Variants in EPB41L5 observed in about 807,000 individuals in gnomAD.
EPB41L5 encodes erythrocyte membrane protein band 4.1 like 5, also known as band 4.1-like protein 5.
Under a neutral mutation model 106.6 loss-of-function variants are expected in EPB41L5, and 55 were observed. The observed-to-expected ratio is 0.52, with a 90% CI of 0.42 to 0.65. The LOEUF (loss-of-function observed/expected upper bound fraction) is 0.65. EPB41L5 is among the 30% of genes least tolerant of loss of function. The pLI, the probability that EPB41L5 is intolerant of heterozygous loss-of-function variation, is 0.00. For synonymous variants in EPB41L5, 297 were observed against 306.7 expected, an observed-to-expected ratio of 0.97 and a Z score of 0.33; for missense variants, 871 against 882.1, an observed-to-expected ratio of 0.99 and a Z score of 0.16.
chr2:120,111,185 C>G (rs748709218), intron 16 of EPB41L5, among the ~76,000 whole-genome samples: 86 of 152,068 alleles, frequency 5.7e-4, no homozygotes, highest in Non-Finnish European at 1.0e-3. Context: ...GGCCAGATGC[C>G]TTGTGGAATA....
intron 10 of EPB41L5, among the ~76,000 whole-genome samples, chr2:120,086,179 T>C (rs532931400): frequency 5.3e-5 from 8 of 152,338 alleles, no homozygotes; most frequent in African/African-American, 1.7e-4. Context: ...CCAGCCTTTG[T>C]GACAGAGTGA....
At chr2:120,016,045 G>A (rs899075768) in intron 1 of EPB41L5, among the ~76,000 whole-genome samples, 1 of 151,998 alleles carries the variant, frequency 6.6e-6, no homozygotes, top group African/African-American at 2.4e-5. Flanking sequence ...GAAAAATCCT[G>A]TTCCTACAAC....
chr2:120,104,806 A>C (rs1684354013), intron 16 of EPB41L5: 1 of 931,404 alleles, frequency 1.1e-6, no homozygotes, highest in Admixed American at 6.2e-5. Flanking sequence ...AATAAACACG[A>C]ATATTTTAAC....
chr2:120,082,475 A>G (rs2105342837), intron 10 of EPB41L5, among the ~76,000 whole-genome samples: 1 of 152,292 alleles, frequency 6.6e-6, no homozygotes, highest in Middle Eastern at 3.4e-3. Context: ...TCTTGGGGGT[A>G]AGCTTTTTGA....
intron 24 of EPB41L5, 63 bp downstream of exon 24, chr2:120,168,070 ACTTATTATCT>A (rs1687496644): frequency 6.5e-7 from 1 of 1,544,756 alleles, no homozygotes; most frequent in African/African-American, 1.4e-5. Context: ...AAATAATAAA[ACTTATTATCT>A]CTAAAGCAGC....
At chr2:120,104,091 GGTGGAAACCA>G in intron 16 of EPB41L5, 1 of 1,535,286 alleles carries the variant, frequency 6.5e-7, no homozygotes, top group Non-Finnish European at 8.7e-7. Context: ...CTGTCAACGT[GGTGGAAACCA>G]GTGGAACACA....
intron 16 of EPB41L5, among the ~76,000 whole-genome samples, chr2:120,118,004 A>G (rs889126315): frequency 9.2e-5 from 14 of 152,188 alleles, no homozygotes; most frequent in African/African-American, 2.9e-4. Context: ...TTTCTGTGCG[A>G]AAGTTTTAAA....
Position 120,162,465 on chromosome 2 carries a change from A to G in EPB41L5, c.1887+1491A>G, listed in dbSNP as rs138320657. On this transcript the variant is annotated intron_variant, in intron 21 of 24. Transcript: ENST00000263713. The stretch of plus-strand genomic sequence containing the variant: ...AGATCACTTGTATTCTCACTACTCA[A>G]TGAAAGTGTATAGTTGGTATTTAGG... 2.1e-3 allele frequency among the ~76,000 whole-genome samples: 323 copies of G among 152,366 alleles called. 14 individuals are homozygous for G. The East Asian group carries it at 0.041, about 19-fold the overall frequency.
At chr2:120,161,334 C>T (rs1001412953) in intron 21 of EPB41L5, among the ~76,000 whole-genome samples, 15 of 148,390 alleles carry the variant, frequency 1.0e-4, no homozygotes, top group African/African-American at 3.5e-4. Context: ...ACTGAGATCA[C>T]ACTACTGCAC....
At chr2:120,077,908 T>A (rs757074451) in intron 9 of EPB41L5, among the ~76,000 whole-genome samples, 1 of 152,134 alleles carries the variant, frequency 6.6e-6, no homozygotes, top group Non-Finnish European at 1.5e-5. Context: ...AGGAAACTTA[T>A]AATCATTGGG....
In EPB41L5 at chr2:120,158,108, G is replaced by A. The variant is rs147349703; in HGVS notation, c.1794-2773G>A. Among the ~76,000 whole-genome samples, 533 of 152,170 alleles carry A rather than the reference G, an allele frequency of 3.5e-3. 2 individuals are homozygous for A. Among genetic ancestry groups the A allele is most frequent in the South Asian group, 8.1e-3 (39 of 4,824 alleles). On this transcript the variant is annotated intron_variant, in intron 20 of 24. Coordinates refer to ENST00000263713, the MANE Select transcript of EPB41L5 (RefSeq NM_020909.4). The stretch of plus-strand genomic sequence containing the variant: ...TCCAAAATTGAATCAGTAGTAAACA[G>A]CCTACCAAACAAAAAAAGCCCAGGA...
chr2:120,068,503 C>T (rs1478331476), intron 3 of EPB41L5, among the ~76,000 whole-genome samples: 10 of 152,292 alleles, frequency 6.6e-5, no homozygotes, highest in South Asian at 6.2e-4. Flanking sequence ...CGACCTGGGA[C>T]GCTCAGGCTT....
intron 1 of EPB41L5, among the ~76,000 whole-genome samples, chr2:120,014,045 A>G (rs914816397): frequency 6.6e-6 from 1 of 152,206 alleles, no homozygotes; most frequent in Non-Finnish European, 1.5e-5. Context: ...TTCGAAAACG[A>G]TATGCGTAAC....
chr2:120,100,456 C>G (rs1197052899), intron 15 of EPB41L5, among the ~76,000 whole-genome samples, 170 bp downstream of exon 15: 1 of 152,106 alleles, frequency 6.6e-6, no homozygotes, highest in East Asian at 1.9e-4. Context: ...ATTTTATTCT[C>G]TAAGATTTTG....
chr2:120,061,030 A>ATTTT (rs1487982867), intron 3 of EPB41L5, among the ~76,000 whole-genome samples: 13 of 63,150 alleles, frequency 2.1e-4, no homozygotes, highest in South Asian at 5.2e-4. Context: ...GGTTCAGGGA[A>ATTTT]GTTTTTTTTT....
chr2:120,103,781 G>A (rs1684286354), intron 16 of EPB41L5, among the ~76,000 whole-genome samples: 2 of 152,174 alleles, frequency 1.3e-5, no homozygotes, highest in South Asian at 2.1e-4. Flanking sequence ...GATACAGAGT[G>A]TCTTGCTTTC....
intron 2 of EPB41L5, among the ~76,000 whole-genome samples, chr2:120,034,752 C>T (rs1476197471): frequency 1.3e-5 from 2 of 152,066 alleles, no homozygotes; most frequent in African/African-American, 4.8e-5. Flanking sequence ...GTAGTCCCAG[C>T]AACTTGGGAG....
intron 3 of EPB41L5, among the ~76,000 whole-genome samples, chr2:120,049,422 T>G (rs887352360): frequency 1.3e-5 from 2 of 152,212 alleles, no homozygotes; most frequent in Non-Finnish European, 2.9e-5. Flanking sequence ...TGTAATGGCC[T>G]TCTTTGTCTC....
chr2:120,019,315 T>C, intron 2 of EPB41L5, 51 bp downstream of exon 2: 1 of 1,542,356 alleles, frequency 6.5e-7, no homozygotes, highest in Non-Finnish European at 8.8e-7. Context: ...ACTGTCTTTG[T>C]TTGTTTGTTT....
Sources: allele counts gnomAD v4.1 joint callset (sites outside exome capture counted in the v4.1 genomes callset), GRCh38; gene constraint gnomAD v4.1.1; transcripts MANE v1.5; gene names NCBI Gene and HGNC (gene_info 2026-07-23, HGNC 2026-07-21).